The following FHIT variants were observed in gnomAD, a reference collection of about 807,000 sequenced individuals.
The protein encoded by FHIT is bis(5'-adenosyl)-triphosphatase.
A neutral mutation model predicts 17.9 loss-of-function variants in FHIT; 19 were observed. The ratio of observed to expected loss-of-function variants is 1.06; its 90% confidence interval spans 0.74 to 1.56. The LOEUF (loss-of-function observed/expected upper bound fraction) is 1.56. Among genes scored for constraint, FHIT ranks in the 40% most tolerant of loss-of-function variants. The probability of loss-of-function intolerance (pLI) is 0.00; values close to 1 mark genes in which losing one functional copy is unlikely to be tolerated. For synonymous variants in FHIT, 81 were observed against 69.7 expected (o/e 1.16, Z -0.81); for missense variants, 248 against 189.2 (o/e 1.31, Z -1.82).
At chr3:60,046,464 C>G (rs1017193503) in intron 5 of FHIT, among the ~76,000 whole-genome samples, 3 of 152,210 alleles carry the variant, frequency 2.0e-5, no homozygotes, top group Admixed American at 1.3e-4. Context: ...CAGCTGACAG[C>G]AGAAGTTTGC....
chr3:61,147,092 G>A (rs1003080910), intron 2 of FHIT, among the ~76,000 whole-genome samples: 1 of 151,932 alleles, frequency 6.6e-6, no homozygotes, highest in African/African-American at 2.4e-5. Context: ...AGAGTACCAA[G>A]TTCTTTTTGT....
At chr3:60,444,073 C>T (rs1168237541) in intron 5 of FHIT, among the ~76,000 whole-genome samples, 1 of 152,034 alleles carries the variant, frequency 6.6e-6, no homozygotes, top group Non-Finnish European at 1.5e-5. Flanking sequence ...ATTTATGCAG[C>T]CAAAAGACAC....
At chr3:59,977,193 A>C (rs1708452862) in intron 7 of FHIT, among the ~76,000 whole-genome samples, 1 of 152,152 alleles carries the variant, frequency 6.6e-6, no homozygotes, top group Non-Finnish European at 1.5e-5. Context: ...CCCAGATAAA[A>C]TAAAAGTGTT....
chr3:60,408,793 A>G (rs1330933113), intron 5 of FHIT, among the ~76,000 whole-genome samples: 1 of 152,208 alleles, frequency 6.6e-6, no homozygotes, highest in Non-Finnish European at 1.5e-5. Flanking sequence ...CTATCCTGGC[A>G]CTTGCCCTCA....
At chr3:61,161,110 T>C (rs775408263) in intron 2 of FHIT, among the ~76,000 whole-genome samples, 1 of 151,304 alleles carries the variant, frequency 6.6e-6, no homozygotes, top group Non-Finnish European at 1.5e-5. Context: ...TTTTTAACTT[T>C]TTCCTTTTAA....
At chr3:59,756,124 G>A (rs751561179) in intron 8 of FHIT, among the ~76,000 whole-genome samples, 6 of 152,080 alleles carry the variant, frequency 3.9e-5, no homozygotes, top group Non-Finnish European at 8.8e-5. Flanking sequence ...TAATGACAGC[G>A]AGCACTAAAA....
rs577954428 is a variant in FHIT, at chr3:60,268,994, T to C, written c.104-254842A>G. ...AAGGGGCCATGAGAAGCTGGAAAAGTCAAAGAAACAGGTTCTCTACTAGAG... is the reference window on the plus strand; with the variant it reads ...AAGGGGCCATGAGAAGCTGGAAAAGCCAAAGAAACAGGTTCTCTACTAGAG... On this transcript the variant is annotated intron_variant, in intron 5 of 9. Coordinates refer to ENST00000492590, the MANE Select transcript of FHIT (RefSeq NM_002012.4). 1.1e-3 allele frequency among the ~76,000 whole-genome samples: 162 copies of C among 152,212 alleles called. 4 individuals carry two copies. In the South Asian group the frequency reaches 0.032, roughly 30 times the overall value.
At chr3:61,187,434 G>A (rs1168063684) in intron 2 of FHIT, among the ~76,000 whole-genome samples, 1 of 152,090 alleles carries the variant, frequency 6.6e-6, no homozygotes, top group Non-Finnish European at 1.5e-5. Context: ...CATAAAGCAA[G>A]CCCTTAGAGA....
At chr3:59,930,088 C>A (rs939348129) in intron 7 of FHIT, among the ~76,000 whole-genome samples, 3 of 152,128 alleles carry the variant, frequency 2.0e-5, no homozygotes, top group African/African-American at 7.2e-5. Context: ...GAATATGCAT[C>A]CCAGAGTTAT....
chr3:61,047,519 A>G (rs2033850843), intron 2 of FHIT, among the ~76,000 whole-genome samples: 1 of 152,204 alleles, frequency 6.6e-6, no homozygotes, highest in South Asian at 2.1e-4. Flanking sequence ...ATGCTCATGG[A>G]TAGGAAGAAT....
intron 5 of FHIT, among the ~76,000 whole-genome samples, chr3:60,248,646 T>C (rs149675180): frequency 6.3e-4 from 96 of 152,250 alleles, no homozygotes; most frequent in African/African-American, 2.3e-3. Flanking sequence ...CCACTTAAGA[T>C]AGGGTGCCAA....
intron 2 of FHIT, among the ~76,000 whole-genome samples, chr3:61,093,921 G>C (rs1259322347): frequency 6.6e-6 from 1 of 152,148 alleles, no homozygotes; most frequent in Non-Finnish European, 1.5e-5. Context: ...GTTTGACTCT[G>C]CTACACTGGA....
At chr3:59,911,719 C>T (rs899574661) in intron 8 of FHIT, among the ~76,000 whole-genome samples, 1 of 152,176 alleles carries the variant, frequency 6.6e-6, no homozygotes, top group Non-Finnish European at 1.5e-5. Context: ...AAAGTTCTTT[C>T]TCAGGGGGAG....
At chr3:60,575,570 A>C (rs1372841741) in intron 4 of FHIT, among the ~76,000 whole-genome samples, 1 of 152,208 alleles carries the variant, frequency 6.6e-6, no homozygotes, top group Non-Finnish European at 1.5e-5. Flanking sequence ...ATTTAAAAGA[A>C]TGAAAGAATT....
chr3:60,209,552 A>G (rs1416633284), intron 5 of FHIT, among the ~76,000 whole-genome samples: 3 of 152,164 alleles, frequency 2.0e-5, no homozygotes, highest in African/African-American at 7.2e-5. Context: ...CTGTTGAGCC[A>G]ATAGTAAAAA....
At chr3:60,150,912 C>T (rs1337553810) in intron 5 of FHIT, among the ~76,000 whole-genome samples, 1 of 146,794 alleles carries the variant, frequency 6.8e-6, no homozygotes, top group African/African-American at 2.6e-5. Flanking sequence ...GAGCTAGACT[C>T]CGCCTCAAAA....
chr3:60,124,915 G>A (rs1018529670), intron 5 of FHIT, among the ~76,000 whole-genome samples: 2 of 152,114 alleles, frequency 1.3e-5, no homozygotes, highest in African/African-American at 4.8e-5. Context: ...TAGCCCCTGA[G>A]GATCTTGCTA....
intron 3 of FHIT, among the ~76,000 whole-genome samples, chr3:60,895,456 T>C (rs1348570716): frequency 1.3e-5 from 2 of 152,208 alleles, no homozygotes; most frequent in African/African-American, 2.4e-5. Context: ...TTTTTCTGAC[T>C]GTGTAAACAC....
At chr3:61,228,502 T>C (rs2106860729) in intron 1 of FHIT, among the ~76,000 whole-genome samples, 1 of 152,338 alleles carries the variant, frequency 6.6e-6, no homozygotes, top group Non-Finnish European at 1.5e-5. Flanking sequence ...TCTTTGGGTC[T>C]TCATTTCCTT....
Sources: allele counts gnomAD v4.1 joint callset (sites outside exome capture counted in the v4.1 genomes callset), GRCh38; gene constraint gnomAD v4.1.1; transcripts MANE v1.5; gene names NCBI Gene and HGNC (gene_info 2026-07-23, HGNC 2026-07-21).